STX5: variants seen among roughly 807,000 people sequenced by gnomAD.
STX5 encodes syntaxin 5.
Under a neutral mutation model 42.9 loss-of-function variants are expected in STX5, and 15 were observed. That is an observed-to-expected ratio of 0.35 (90% CI 0.23 to 0.54). STX5 has a LOEUF of 0.54. STX5 is among the 20% of genes least tolerant of loss of function. STX5 has a pLI of 0.91. For synonymous variants in STX5, 184 were observed against 173.2 expected (o/e 1.06, Z -0.49); for missense variants, 430 against 455.0 (o/e 0.95, Z 0.50).
intron 1 of STX5, 51 bp from the exon 2 acceptor site, chr11:62,831,313 TC>T: frequency 7.7e-7 from 1 of 1,293,702 alleles, no homozygotes. Flanking sequence ...TTACCCAAAC[TC>T]CCCCGCCCCA....
chr11:62,815,487 CATA>C (rs1412520253), intron 10 of STX5, among the ~76,000 whole-genome samples: 1 of 151,168 alleles, frequency 6.6e-6, no homozygotes, highest in Non-Finnish European at 1.5e-5. Flanking sequence ...CTGAATAATA[CATA>C]ATATTAGGAA....
intron 2 of STX5, among the ~76,000 whole-genome samples, chr11:62,828,852 G>A (rs1190238614): frequency 1.3e-5 from 2 of 151,992 alleles, no homozygotes; most frequent in Non-Finnish European, 2.9e-5. Flanking sequence ...AGATCACGAG[G>A]TCAAGAGACA....
intron 5 of STX5, among the ~76,000 whole-genome samples, chr11:62,826,417 C>T (rs780610157): frequency 1.5e-4 from 23 of 149,842 alleles, no homozygotes; most frequent in Non-Finnish European, 2.1e-4. Flanking sequence ...ATTAGCCGGG[C>T]GCGGTGGCAC....
intron 10 of STX5, among the ~76,000 whole-genome samples, chr11:62,823,638 C>T (rs959419615): frequency 5.9e-5 from 9 of 152,198 alleles, no homozygotes; most frequent in African/African-American, 2.2e-4. Context: ...CTCTGCCTCC[C>T]AGGCTCAAGC....
intron 2 of STX5, among the ~76,000 whole-genome samples, chr11:62,829,352 A>C (rs1454514249): frequency 6.6e-6 from 1 of 152,056 alleles, no homozygotes; most frequent in Non-Finnish European, 1.5e-5. Context: ...GGAACCCGGG[A>C]GGCGGAGGTT....
At chr11:62,830,256 C>T (rs2084841759) in intron 2 of STX5, 1 of 192,636 alleles carries the variant, frequency 5.2e-6, no homozygotes, top group Non-Finnish European at 1.1e-5. Flanking sequence ...TGGCCTAGGC[C>T]TCCCAAAGTG....
Position 62,825,301 on chromosome 11 carries a change from A to C in STX5, c.579T>G (p.Val193=), listed in dbSNP as rs1367404003. The change falls in exon 7 of 11, where the codon GTT becomes GTG. Residue 193 remains valine (V), a synonymous_variant. Coordinates refer to ENST00000294179, the MANE Select transcript of STX5 (RefSeq NM_003164.5). ...TTCTCACCTCTGTCCTCACTTCTAA[A>C]ACCGATTTGAAGTCATTGGACATAG... is the stretch of plus-strand genomic sequence containing the variant. ...LASMSNDFKS[V]LEVRTENLKQ... is the part of the protein sequence containing the mutation. 1 of 1,614,104 alleles carries C rather than the reference A, an allele frequency of 6.2e-7. No individual in the cohort carries two copies. Among genetic ancestry groups the C allele is most frequent in the Admixed American group, 1.7e-5 (1 of 60,004 alleles).
At position 62,832,051 on chromosome 11, in the gene STX5, T is replaced by C. The variant is rs1341851981; in HGVS notation, c.-117A>G. 4.0e-6 allele frequency: 2 copies of C among 500,526 alleles called. No homozygotes were observed. The allele number at this position is 500,526 out of a possible 1,614,324, so 31.0% of individuals were successfully genotyped here. The stretch of plus-strand genomic sequence containing the variant: ...AAGCCGCCGAAACCCGACCAAAGAC[T>C]GGAAGCGGCCACGTCACCTACACGT... On this transcript the variant is annotated 5_prime_UTR_variant, in exon 1 of 11. Transcript: ENST00000294179.
At chr11:62,828,742 T>C (rs575557543) in intron 2 of STX5, among the ~76,000 whole-genome samples, 3,448 of 127,806 alleles carry the variant, frequency 0.027, 119 homozygotes, top group African/African-American at 0.098. Context: ...AATAAATAAA[T>C]AAATAAACAA....
At chr11:62,824,614 T>C in intron 8 of STX5, 49 bp from the exon 9 acceptor site, 1 of 1,576,270 alleles carries the variant, frequency 6.3e-7, no homozygotes, top group Non-Finnish European at 8.7e-7. Flanking sequence ...AAAAGCAGGT[T>C]CAAAGCCCAC....
intron 10 of STX5, among the ~76,000 whole-genome samples, chr11:62,820,205 C>T (rs1484248048): frequency 6.6e-6 from 1 of 151,110 alleles, no homozygotes; most frequent in African/African-American, 2.4e-5. Flanking sequence ...CCTGTCTCTA[C>T]TAAAAATACA....
At chr11:62,827,286 G>A in intron 4 of STX5, 57 bp downstream of exon 4, 1 of 1,613,878 alleles carries the variant, frequency 6.2e-7, no homozygotes, top group African/African-American at 1.3e-5. Flanking sequence ...AGGGAATATA[G>A]TCCTCAACCC....
At position 62,830,928 on chromosome 11, in the gene STX5, C is replaced by A; in HGVS notation, c.225+91G>T. 2.4e-6 allele frequency: 3 copies of A among 1,227,420 alleles called. No homozygotes were observed. The Admixed American group carries it at 5.9e-5, about 24-fold the overall frequency. The allele number at this position is 1,227,420 out of a possible 1,614,324, so 76.0% of individuals were successfully genotyped here. On this transcript the variant is annotated intron_variant, in intron 2 of 10. Transcript: ENST00000294179. ...GCCTATCAGTTCCATCAGGTACCCC[C>A]CAAAATTACTTCGGTTAACAGTGGT...
intron 10 of STX5, among the ~76,000 whole-genome samples, chr11:62,812,840 C>T (rs991619627): frequency 2.0e-5 from 3 of 151,542 alleles, no homozygotes; most frequent in African/African-American, 4.8e-5. Context: ...AGGCCGGGTG[C>T]GGTGGCTCAC....
rs763486288 is a variant in STX5, at chr11:62,824,582, G to C, written c.680-17C>G. 4 of 1,612,098 alleles carry C rather than the reference G, an allele frequency of 2.5e-6. No individual in the cohort carries two copies. Among genetic ancestry groups the C allele is most frequent in the Admixed American group, 1.7e-5 (1 of 59,988 alleles). On this transcript the variant is annotated splice_polypyrimidine_tract_variant and intron_variant, in intron 8 of 10. Coordinates refer to ENST00000294179, the MANE Select transcript of STX5 (RefSeq NM_003164.5). ...CACCACCGCCTGGGGGAGAAAACAG[G>C]ATGTGGCACACCTTAACAGTTAAAA...
chr11:62,827,736 T>G, intron 2 of STX5, 105 bp from the exon 3 acceptor site: 1 of 1,158,648 alleles, frequency 8.6e-7, no homozygotes, highest in Non-Finnish European at 1.3e-6. Flanking sequence ...GCTGGTGGCA[T>G]CCATCAGATG....
In STX5 at chr11:62,814,768, G is replaced by GT. The variant is rs1352100448; in HGVS notation, c.909-7141dup. On this transcript the variant is annotated intron_variant, in intron 10 of 10. Coordinates refer to ENST00000294179, the MANE Select transcript of STX5 (RefSeq NM_003164.5). ...CGCCACCACGCTCAGCAAATTTTGT[G>GT]TTTTTAGTAGAAACGGGGTTGCTCC... 2.0e-5 allele frequency among the ~76,000 whole-genome samples: 3 copies of GT among 151,460 alleles called. No individual in the cohort carries two copies. In the East Asian group the frequency reaches 5.9e-4, roughly 30 times the overall value.
intron 10 of STX5, among the ~76,000 whole-genome samples, chr11:62,820,052 ACAGGT>A (rs2084722142): frequency 1.3e-5 from 2 of 151,466 alleles, no homozygotes; most frequent in African/African-American, 2.4e-5. Context: ...AGTTTAGGAG[ACAGGT>A]CTGGGACGGA....
At chr11:62,815,831 C>T (rs1643893500) in intron 10 of STX5, 1 of 152,068 alleles carries the variant, frequency 6.6e-6, no homozygotes, top group African/African-American at 2.4e-5. Flanking sequence ...GCCACCGCGC[C>T]CAGTCTGGTT....
Sources: gnomAD v4.1 joint callset for allele counts (sites outside exome capture counted in the v4.1 genomes callset) on GRCh38, gnomAD v4.1.1 for gene constraint, MANE v1.5 for transcripts, NCBI Gene and HGNC (gene_info 2026-07-23, HGNC 2026-07-21) for gene names.